Variants in LINGO2 observed in about 807,000 individuals in gnomAD.
LINGO2 encodes leucine-rich repeat and immunoglobulin-like domain-containing nogo receptor-interacting protein 2.
Under a neutral mutation model 30.6 loss-of-function variants are expected in LINGO2, and 14 were observed. That is an observed-to-expected ratio of 0.46 (90% CI 0.30 to 0.72). The LOEUF is 0.72. Ranked by LOEUF, LINGO2 falls within the 30% of genes least tolerant of loss-of-function variation. LINGO2 has a pLI of 0.07. For synonymous variants in LINGO2, 317 were observed against 288.5 expected (o/e 1.10, Z -1.00); for missense variants, 729 against 751.7 (o/e 0.97, Z 0.35).
chr9:28,207,239 T>C (rs1182197333), intron 4 of LINGO2, among the ~76,000 whole-genome samples: 1 of 152,070 alleles, frequency 6.6e-6, no homozygotes, highest in African/African-American at 2.4e-5. Flanking sequence ...GAAATTCAAG[T>C]CAAAGAAAGT....
chr9:27,964,175 C>A (rs749907140), intron 5 of LINGO2, among the ~76,000 whole-genome samples: 1 of 152,042 alleles, frequency 6.6e-6, no homozygotes, highest in Non-Finnish European at 1.5e-5. Context: ...ACTTGGAGAA[C>A]ATTCAAGGGG....
intron 4 of LINGO2, among the ~76,000 whole-genome samples, chr9:28,037,949 G>C (rs917265134): frequency 1.3e-5 from 2 of 152,154 alleles, no homozygotes; most frequent in African/African-American, 4.8e-5. Context: ...CTTTAGATAA[G>C]GAAGCTGAGG....
At chr9:28,990,438 AC>A in the LINGO2 span, among the ~76,000 whole-genome samples, 166 of 152,286 alleles carry the variant, frequency 1.1e-3, no homozygotes, top group African/African-American at 3.9e-3. Context: ...GCACAGACAA[AC>A]AAAAAGGCAG....
At chr9:28,941,475 T>C in the LINGO2 span, among the ~76,000 whole-genome samples, 1 of 152,166 alleles carries the variant, frequency 6.6e-6, no homozygotes, top group Non-Finnish European at 1.5e-5. Context: ...TTAAATTATA[T>C]AATATTGTGT....
At chr9:29,002,903 G>A in the LINGO2 span, among the ~76,000 whole-genome samples, 1 of 151,970 alleles carries the variant, frequency 6.6e-6, no homozygotes, top group South Asian at 2.1e-4. Flanking sequence ...ACCTTTGAGT[G>A]TGACCTTATT....
chr9:29,099,635 G>C, the LINGO2 span, among the ~76,000 whole-genome samples: 4,247 of 152,212 alleles, frequency 0.028, 186 homozygotes, highest in African/African-American at 0.096. Context: ...ATGAAAAGAT[G>C]CTCAACATCA....
chr9:29,202,529 C>G, the LINGO2 span, among the ~76,000 whole-genome samples: 5 of 151,938 alleles, frequency 3.3e-5, no homozygotes, highest in Non-Finnish European at 5.9e-5. Context: ...TATAGTCTTT[C>G]TAATTCCACA....
chr9:29,086,725 C>A, the LINGO2 span, among the ~76,000 whole-genome samples: 3 of 152,124 alleles, frequency 2.0e-5, no homozygotes, highest in Admixed American at 2.0e-4. Context: ...TCTTCTCAGA[C>A]ACAGATAAGA....
chr9:28,027,276 T>C (rs1340395130), intron 4 of LINGO2, among the ~76,000 whole-genome samples: 1 of 152,120 alleles, frequency 6.6e-6, no homozygotes, highest in African/African-American at 2.4e-5. Context: ...GTGAGGAAAT[T>C]GAGGTATAGA....
the LINGO2 span, among the ~76,000 whole-genome samples, chr9:28,687,447 A>G: frequency 6.6e-6 from 1 of 152,146 alleles, no homozygotes; most frequent in Non-Finnish European, 1.5e-5. Context: ...TAAAATGTCA[A>G]AGGCAGAAAT....
the LINGO2 span, among the ~76,000 whole-genome samples, chr9:29,084,608 T>C: frequency 6.6e-6 from 1 of 151,964 alleles, no homozygotes; most frequent in Non-Finnish European, 1.5e-5. Flanking sequence ...TGAATTGATA[T>C]AGAATCTGAC....
intron 4 of LINGO2, among the ~76,000 whole-genome samples, chr9:28,243,567 A>G (rs1339103488): frequency 6.6e-6 from 1 of 152,106 alleles, no homozygotes; most frequent in Non-Finnish European, 1.5e-5. Context: ...CAAAGATACC[A>G]TAGGCTCAAA....
intron 1 of LINGO2, among the ~76,000 whole-genome samples, chr9:28,590,979 T>TA (rs1824871759): frequency 6.6e-6 from 1 of 152,052 alleles, no homozygotes; most frequent in South Asian, 2.1e-4. Context: ...TATGCAGCCA[T>TA]AAAAAACGAT....
chr9:29,129,502 A>G, the LINGO2 span, among the ~76,000 whole-genome samples: 1 of 152,094 alleles, frequency 6.6e-6, no homozygotes, highest in African/African-American at 2.4e-5. Context: ...ATTCTTCTCA[A>G]CTAAAAAGTG....
At chr9:29,001,287 G>A in the LINGO2 span, among the ~76,000 whole-genome samples, 1 of 151,870 alleles carries the variant, frequency 6.6e-6, no homozygotes, top group African/African-American at 2.4e-5. Flanking sequence ...ATTTAATACA[G>A]TGAAAACTAG....
At chr9:28,632,937 A>G (rs954599037) in intron 1 of LINGO2, among the ~76,000 whole-genome samples, 1 of 145,590 alleles carries the variant, frequency 6.9e-6, no homozygotes, top group African/African-American at 2.6e-5. Context: ...ATTAACTTAT[A>G]TGCTCACAAG....
At chr9:28,896,163 G>A in the LINGO2 span, among the ~76,000 whole-genome samples, 1 of 152,130 alleles carries the variant, frequency 6.6e-6, no homozygotes, top group Non-Finnish European at 1.5e-5. Flanking sequence ...AAAGCAAAAA[G>A]AAGCAAACAT....
the LINGO2 span, among the ~76,000 whole-genome samples, chr9:28,940,121 TG>T: frequency 1.3e-5 from 2 of 152,140 alleles, no homozygotes; most frequent in African/African-American, 4.8e-5. Context: ...TACTGATTAT[TG>T]CATTTCCCAA....
chr9:28,008,876 AATC>A (rs1401511058), intron 5 of LINGO2, among the ~76,000 whole-genome samples: 3 of 152,156 alleles, frequency 2.0e-5, no homozygotes, highest in African/African-American at 7.2e-5. Flanking sequence ...TACATATCAA[AATC>A]ATGACTGCTT....
Sources: allele counts gnomAD v4.1 joint callset (sites outside exome capture counted in the v4.1 genomes callset), GRCh38; gene constraint gnomAD v4.1.1; transcripts MANE v1.5; gene names NCBI Gene and HGNC (gene_info 2026-07-23, HGNC 2026-07-21).